Variants in TRIM25 observed in about 807,000 individuals in gnomAD.
TRIM25 encodes the protein E3 ubiquitin/ISG15 ligase TRIM25.
Under a neutral mutation model 65.2 loss-of-function variants are expected in TRIM25, and 45 were observed. The observed-to-expected ratio is 0.69, with a 90% CI of 0.54 to 0.89. TRIM25 has a LOEUF of 0.89. TRIM25 is among the 40% of genes least tolerant of loss of function. The probability of loss-of-function intolerance (pLI) is 0.00; values close to 1 mark genes in which losing one functional copy is unlikely to be tolerated. For missense variants in TRIM25, 714 were observed against 803.7 expected (o/e 0.89, Z 1.35); for synonymous variants, 321 against 340.4 (o/e 0.94, Z 0.63).
chr17:56,900,224 A>C (rs1909382203), intron 4 of TRIM25, among the ~76,000 whole-genome samples: 1 of 151,732 alleles, frequency 6.6e-6, no homozygotes, highest in Admixed American at 6.6e-5. Context: ...AAAAAAAAAA[A>C]AATTTTTTTT....
At chr17:56,907,297 G>T (rs1171125057) in intron 2 of TRIM25, among the ~76,000 whole-genome samples, 1 of 152,214 alleles carries the variant, frequency 6.6e-6, no homozygotes, top group Non-Finnish European at 1.5e-5. Flanking sequence ...TGTTACAGCA[G>T]TATAGCCTGC....
intron 5 of TRIM25, among the ~76,000 whole-genome samples, chr17:56,896,836 A>G (rs1400795466): frequency 6.6e-6 from 1 of 151,852 alleles, no homozygotes; most frequent in African/African-American, 2.4e-5. Flanking sequence ...CAGGCACTGT[A>G]GCTTACTCCT....
chr17:56,895,749 T>C (rs1909279807), intron 6 of TRIM25, 145 bp from the exon 7 acceptor site: 10 of 1,166,058 alleles, frequency 8.6e-6, no homozygotes, highest in Non-Finnish European at 1.2e-5. Context: ...AGTCACCTTA[T>C]TCATCTCACT....
At position 56,913,937 on chromosome 17, in the gene TRIM25, C is replaced by A; in HGVS notation, c.52G>T (p.Glu18Ter). The A allele has an allele frequency of 6.3e-7, 1 of 1,587,220 alleles. No individual in the cohort carries two copies. Among genetic ancestry groups the A allele is most frequent in the South Asian group, 1.1e-5 (1 of 87,124 alleles). Reference protein sequence around the residue: ...AEELSCSICLEPFKEPVTTPC... With the variant: ...AEELSCSICL ...GTGGTGACCGGCTCCTTGAAGGGCT[C>A]CAGGCAGATGGAGCACGACAGCTCC... Residue 18 changes from glutamate (E) to a stop codon, truncating the protein, a stop_gained, in exon 1 of 9, where the codon GAG (glutamate) becomes TAG (stop). Transcript: ENST00000316881. LOFTEE classifies it high-confidence loss of function. This position sits in a 1 kb window ranked among gnomAD's most constrained non-coding sequence, Gnocchi z 6.1.
intron 2 of TRIM25, among the ~76,000 whole-genome samples, chr17:56,907,538 G>A (rs1909543697): frequency 6.6e-6 from 1 of 152,186 alleles, no homozygotes; most frequent in African/African-American, 2.4e-5. Context: ...TCTGAAAAAG[G>A]GTAAAAATCT....
At position 56,890,634 on chromosome 17, in the gene TRIM25, A is replaced by G. The variant is rs1164817797; in HGVS notation, c.*1066T>C. 2.2e-6 allele frequency: 1 copy of G among 456,686 alleles called. No individual in the cohort carries two copies. The highest frequency in any genetic ancestry group is 4.4e-6 in the Non-Finnish European group (1 of 226,964). The allele number at this position is 456,686 out of a possible 1,614,324, so 28.3% of individuals were successfully genotyped here. On this transcript the variant is annotated 3_prime_UTR_variant, in exon 9 of 9. Coordinates refer to ENST00000316881, the MANE Select transcript of TRIM25 (RefSeq NM_005082.5). ...CCGCATAGCCTGTCTGCATGATAGC[A>G]GGCTTCAGGGATCCAGCTTAGCTGG...
chr17:56,905,207 T>A (rs958920353), intron 2 of TRIM25, among the ~76,000 whole-genome samples: 3 of 151,996 alleles, frequency 2.0e-5, no homozygotes, highest in Non-Finnish European at 4.4e-5. Context: ...CTACTAAAAA[T>A]ACAAAAATTA....
At chr17:56,899,312 CGCTTACAAGA>C in intron 4 of TRIM25, 132 bp from the exon 5 acceptor site, 1 of 802,888 alleles carries the variant, frequency 1.2e-6, no homozygotes, top group Non-Finnish European at 2.0e-6. Flanking sequence ...CCCATCCCAT[CGCTTACAAGA>C]GCTACAAACA....
rs780838280 is a variant in TRIM25, at chr17:56,889,380, G to A, written c.*2320C>T. On this transcript the variant is annotated 3_prime_UTR_variant, in exon 9 of 9. Transcript: ENST00000316881. ...GAATAGCAAGAGTGGTGAACAGAGC[G>A]ATCCTCTACTTTCTCATCATATTCT... 8 of 172,932 alleles carry A rather than the reference G, an allele frequency of 4.6e-5. No homozygotes were observed. The highest frequency in any genetic ancestry group is 7.1e-5 in the African/African-American group (3 of 42,396). The allele number at this position is 172,932 out of a possible 1,614,324, so 10.7% of individuals were successfully genotyped here. A position where few individuals can be genotyped will look rare whatever the true frequency, so the allele number is the denominator to read the frequency against.
intron 4 of TRIM25, among the ~76,000 whole-genome samples, chr17:56,900,591 G>T (rs1909391111): frequency 6.6e-6 from 1 of 152,206 alleles, no homozygotes; most frequent in African/African-American, 2.4e-5. Context: ...TTTGAAGGGT[G>T]AGAGGAGTTA....
Position 56,908,533 on chromosome 17 carries a change from A to C in TRIM25, c.628T>G (p.Tyr210Asp), listed in dbSNP as rs770711346. Residue 210 changes from tyrosine to aspartate, a missense_variant, in exon 2 of 9, where the codon TAC (tyrosine) becomes GAC (aspartate). This residue lies in a region of TRIM25 where 291 missense variants were observed against 281.8 expected (regional missense o/e 1.03). Transcript: ENST00000316881. The part of the protein sequence containing the change: ...ATLRHKLTVM[Y>D]SQINGASRAL... ...CTCGACGCCCCGTTGATCTGACTGT[A>C]CATGACAGTTAGTTTGTGCCTCAGG... 6.2e-7 allele frequency: 1 copy of C among 1,614,086 alleles called. No homozygotes were observed. Among genetic ancestry groups the C allele is most frequent in the Admixed American group, 1.7e-5 (1 of 60,032 alleles).
At chr17:56,911,101 C>CA (rs991576251) in intron 1 of TRIM25, among the ~76,000 whole-genome samples, 13 of 152,076 alleles carry the variant, frequency 8.5e-5, no homozygotes, top group African/African-American at 2.9e-4. Context: ...CCCGTCTCTA[C>CA]AAAAAATGTT....
intron 4 of TRIM25, 48 bp downstream of exon 4, chr17:56,901,371 G>T: frequency 6.3e-7 from 1 of 1,580,752 alleles, no homozygotes. Context: ...GGGACCCATC[G>T]GGTTGCAGGG....
intron 1 of TRIM25, among the ~76,000 whole-genome samples, chr17:56,909,851 T>C (rs1909593337): frequency 6.6e-6 from 1 of 152,110 alleles, no homozygotes; most frequent in African/African-American, 2.4e-5. Flanking sequence ...GTCTCCTACC[T>C]CCCTGCTCAG....
At chr17:56,904,590 G>A (rs1909484145) in intron 2 of TRIM25, 102 bp from the exon 3 acceptor site, 7 of 1,064,060 alleles carry the variant, frequency 6.6e-6, no homozygotes, top group Non-Finnish European at 7.0e-6. Flanking sequence ...ACTCTTACCT[G>A]TACTTTGTGG....
At position 56,891,641 on chromosome 17, in the gene TRIM25, T is replaced by C; in HGVS notation, c.*59A>G. On this transcript the variant is annotated 3_prime_UTR_variant, in exon 9 of 9. Coordinates refer to ENST00000316881, the MANE Select transcript of TRIM25 (RefSeq NM_005082.5). The stretch of plus-strand genomic sequence containing the variant: ...TATCCAAGGAGAGTTCTGCCTGCTG[T>C]ATTTTCACTAGGGTCTTGGGACTTC... The C allele has an allele frequency of 1.3e-6, 2 of 1,550,034 alleles. No individual in the cohort carries two copies. Among genetic ancestry groups the C allele is most frequent in the South Asian group, 1.2e-5 (1 of 82,254 alleles).
chr17:56,899,055 C>T (rs370391324), intron 5 of TRIM25, 60 bp downstream of exon 5: 1 of 1,600,246 alleles, frequency 6.2e-7, no homozygotes, highest in Non-Finnish European at 8.6e-7. Context: ...GTGACTTGGC[C>T]AGAGCCTGGG....
Position 56,889,344 on chromosome 17 carries a change from C to A in TRIM25, c.*2356G>T, listed in dbSNP as rs1388572901. 1 of 157,778 alleles carries A rather than the reference C, an allele frequency of 6.3e-6. No homozygotes were observed. Among genetic ancestry groups the A allele is most frequent in the Non-Finnish European group, 1.4e-5 (1 of 71,862 alleles). The allele number at this position is 157,778 out of a possible 1,614,324, so 9.8% of individuals were successfully genotyped here. A position where few individuals can be genotyped will look rare whatever the true frequency, so the allele number is the denominator to read the frequency against. ...CCCTCACACATGCTAGCAGGCATCTCCCCACTAATGGAATAGCAAGAGTGG... is the reference window on the plus strand; with the variant it reads ...CCCTCACACATGCTAGCAGGCATCTACCCACTAATGGAATAGCAAGAGTGG... On this transcript the variant is annotated 3_prime_UTR_variant, in exon 9 of 9. Transcript: ENST00000316881.
At position 56,895,197 on chromosome 17, in the gene TRIM25, G is replaced by C. The variant is rs1027684753; in HGVS notation, c.1363+146C>G. On this transcript the variant is annotated intron_variant, in intron 8 of 8. Transcript: ENST00000316881. ...AAGTAAAGAAAGGCACTGATGACTGGGAGAAAATAAGGGAGCAACAAAGTA... is the reference window on the plus strand; with the variant it reads ...AAGTAAAGAAAGGCACTGATGACTGCGAGAAAATAAGGGAGCAACAAAGTA... 71 of 629,356 alleles carry C rather than the reference G, an allele frequency of 1.1e-4. No homozygotes were observed. The African/African-American group carries it at 1.1e-3, about 10-fold the overall frequency. 39.0% of individuals were successfully genotyped at this position (629,356 alleles called of 1,614,324 possible).
Sources: gnomAD v4.1 joint callset for allele counts (sites outside exome capture counted in the v4.1 genomes callset) on GRCh38, gnomAD v4.1.1 for gene constraint, gnomAD v4.1.1 regional missense constraint, Gnocchi (gnomAD v3.1) non-coding constraint, MANE v1.5 for transcripts, NCBI Gene and HGNC (gene_info 2026-07-23, HGNC 2026-07-21) for gene names.